The following HAS2 variants were observed in gnomAD, a reference collection of about 807,000 sequenced individuals.
HAS2 encodes the protein HA synthase 2.
In HAS2, 16 loss-of-function variants were observed where a neutral mutation model predicts 51.6. The ratio of observed to expected loss-of-function variants is 0.31; its 90% confidence interval spans 0.21 to 0.47. The LOEUF is 0.47. HAS2 is among the 20% of genes least tolerant of loss of function. The probability of loss-of-function intolerance (pLI) is 1.00; values close to 1 mark genes in which losing one functional copy is unlikely to be tolerated. For missense variants in HAS2, 361 were observed against 662.6 expected (o/e 0.54, Z 5.00); for synonymous variants, 228 against 235.5 (o/e 0.97, Z 0.29).
chr8:121,635,696 G>A (rs1321805804), intron 1 of HAS2, among the ~76,000 whole-genome samples: 1 of 152,210 alleles, frequency 6.6e-6, no homozygotes, highest in Non-Finnish European at 1.5e-5. Flanking sequence ...TGAAGTCTAA[G>A]TTCAGTGTCT....
At chr8:121,616,812 A>G (rs1190366010) in intron 3 of HAS2, among the ~76,000 whole-genome samples, 4 of 152,238 alleles carry the variant, frequency 2.6e-5, no homozygotes, top group Non-Finnish European at 5.9e-5. Context: ...GCCCAAAGGT[A>G]TATGGTGGAA....
At chr8:121,628,059 A>G (rs1050473252) in intron 2 of HAS2, among the ~76,000 whole-genome samples, 1 of 152,228 alleles carries the variant, frequency 6.6e-6, no homozygotes, top group Admixed American at 6.5e-5. Flanking sequence ...ATTTTCATGC[A>G]GGCAAACACC....
chr8:121,636,910 C>T (rs371092336), intron 1 of HAS2, among the ~76,000 whole-genome samples: 110 of 152,318 alleles, frequency 7.2e-4, no homozygotes, highest in African/African-American at 2.6e-3. Context: ...CATAAATTAG[C>T]ATGAATTCAA....
intron 1 of HAS2, among the ~76,000 whole-genome samples, chr8:121,640,420 AGTGTGTGTGT>A (rs10578731): frequency 6.7e-6 from 1 of 148,324 alleles, no homozygotes; most frequent in Non-Finnish European, 1.5e-5. Flanking sequence ...TTCTCCCCAC[AGTGTGTGTGT>A]GTGTGTGTGT....
chr8:121,631,933 G>C (rs1202045086), intron 1 of HAS2, among the ~76,000 whole-genome samples: 1 of 152,202 alleles, frequency 6.6e-6, no homozygotes, highest in Non-Finnish European at 1.5e-5. Flanking sequence ...CATTTTCCTT[G>C]CTTTTATCAG....
intron 1 of HAS2, among the ~76,000 whole-genome samples, chr8:121,629,840 C>T (rs1812907060): frequency 6.6e-6 from 1 of 152,186 alleles, no homozygotes; most frequent in Non-Finnish European, 1.5e-5. Context: ...TATTCTTCAA[C>T]TTACATCCTT....
intron 2 of HAS2, among the ~76,000 whole-genome samples, chr8:121,618,503 G>C (rs978571638): frequency 1.3e-5 from 2 of 152,090 alleles, no homozygotes; most frequent in African/African-American, 4.8e-5. Context: ...AATGAAAACA[G>C]CTGGAAAAGG....
chr8:121,631,223 C>G (rs1193025730), intron 1 of HAS2, among the ~76,000 whole-genome samples: 2 of 152,144 alleles, frequency 1.3e-5, no homozygotes, highest in African/African-American at 4.8e-5. Flanking sequence ...AGGACTCTTA[C>G]GTTGGCACAA....
At chr8:121,619,201 C>T (rs1199997738) in intron 2 of HAS2, among the ~76,000 whole-genome samples, 1 of 151,878 alleles carries the variant, frequency 6.6e-6, no homozygotes. Flanking sequence ...CACAACAAGA[C>T]CCCATCTCAA....
chr8:121,633,984 C>T (rs1434961442), intron 1 of HAS2, among the ~76,000 whole-genome samples: 1 of 150,270 alleles, frequency 6.7e-6, no homozygotes, highest in Non-Finnish European at 1.5e-5. Flanking sequence ...GATCTTGGCT[C>T]ACTGCAACCT....
chr8:121,629,135 C>A lies in HAS2; in HGVS notation c.206G>T (p.Arg69Leu). The A allele has an allele frequency of 6.2e-7, 1 of 1,613,862 alleles. No homozygotes were observed. The highest frequency in any genetic ancestry group is 2.2e-5 in the East Asian group (1 of 44,864). The change falls in exon 2 of 4, where the codon CGA becomes CTA. Residue 69 changes from arginine to leucine, a missense_variant. Arg to Leu is a moderately radical substitution (Grantham distance 102). Transcript: ENST00000303924. ...GGTTTCTAGGGATTTTTTCATTTTT[C>A]GGTGCTCCAAAAAGGCAAACAGGCT... Reference protein sequence around the residue: ...IQSLFAFLEHRKMKKSLETPI... With the variant: ...IQSLFAFLEHLKMKKSLETPI...
Position 121,616,971 on chromosome 8 carries a change from G to C in HAS2, c.729+134C>G. On this transcript the variant is annotated intron_variant, in intron 3 of 3. Transcript: ENST00000303924. ...AAGCAGATCCAAGGCACATTTTAAT[G>C]TGTCTCAAGCACCAACAACAACACC... 5.0e-6 allele frequency: 3 copies of C among 601,440 alleles called. No homozygotes were observed. In the East Asian group the frequency reaches 8.4e-5, roughly 17 times the overall value. 37.3% of individuals were successfully genotyped at this position (601,440 alleles called of 1,614,324 possible).
chr8:121,640,445 G>GTGTGT (rs1563625799), intron 1 of HAS2, among the ~76,000 whole-genome samples: 3 of 150,832 alleles, frequency 2.0e-5, no homozygotes, highest in Admixed American at 6.6e-5. Context: ...GTGTGTGTGT[G>GTGTGT]GGAAAAAAAG....
In HAS2 at chr8:121,629,042, C is replaced by T; in HGVS notation, c.299G>A (p.Arg100Lys). Residue 100 changes from arginine (R) to lysine (K), a missense_variant, in exon 2 of 4, where the codon AGG becomes AAG. Transcript: ENST00000303924. ...AAYQEDPDYLRKCLQSVKRLT... is the reference protein window; with the variant it reads ...AAYQEDPDYLKKCLQSVKRLT... ...CCTTTTCACAGATTGCAAACATTTC[C>T]TTAAGTAGTCTGGATCTTCTTGATA... 3.1e-6 allele frequency: 5 copies of T among 1,614,030 alleles called. No homozygotes were observed. The highest frequency in any genetic ancestry group is 4.2e-6 in the Non-Finnish European group (5 of 1,179,944).
At chr8:121,623,257 G>A (rs1812797979) in intron 2 of HAS2, among the ~76,000 whole-genome samples, 2 of 152,130 alleles carry the variant, frequency 1.3e-5, no homozygotes, top group Admixed American at 6.5e-5. Flanking sequence ...GGAGTCATTT[G>A]GTTATTCTCT....
At chr8:121,634,189 C>G (rs916771662) in intron 1 of HAS2, among the ~76,000 whole-genome samples, 2 of 151,948 alleles carry the variant, frequency 1.3e-5, no homozygotes, top group African/African-American at 4.8e-5. Flanking sequence ...GTGATCCACC[C>G]GCCTCGGCCT....
chr8:121,631,424 G>A (rs1374598476), intron 1 of HAS2, among the ~76,000 whole-genome samples: 6 of 152,146 alleles, frequency 3.9e-5, no homozygotes, highest in African/African-American at 1.2e-4. Flanking sequence ...GAGCAAAATG[G>A]AACAGTGTTT....
chr8:121,619,997 C>T (rs1312316058), intron 2 of HAS2, among the ~76,000 whole-genome samples: 2 of 152,154 alleles, frequency 1.3e-5, no homozygotes, highest in Non-Finnish European at 2.9e-5. Context: ...CTGCATATTT[C>T]AATTGGTCCC....
intron 1 of HAS2, among the ~76,000 whole-genome samples, chr8:121,637,954 A>C (rs1422463501): frequency 6.6e-6 from 1 of 152,140 alleles, no homozygotes; most frequent in African/African-American, 2.4e-5. Flanking sequence ...CACTTCATAC[A>C]AGAGCCAGAA....
Sources: allele counts gnomAD v4.1 joint callset (sites outside exome capture counted in the v4.1 genomes callset), GRCh38; gene constraint gnomAD v4.1.1; transcripts MANE v1.5; gene names NCBI Gene and HGNC (gene_info 2026-07-23, HGNC 2026-07-21).